Variants in BARX2 observed in about 807,000 individuals in gnomAD.
BARX2 encodes the protein homeobox protein BarH-like 2.
A neutral mutation model predicts 25.5 loss-of-function variants in BARX2; 11 were observed. The ratio of observed to expected loss-of-function variants is 0.43; its 90% confidence interval spans 0.27 to 0.71. The LOEUF (loss-of-function observed/expected upper bound fraction) is 0.71, where lower values mean the gene tolerates loss of function less well. BARX2 is among the 30% of genes least tolerant of loss of function. BARX2 has a pLI of 0.19. For synonymous variants in BARX2, 137 were observed against 149.5 expected (o/e 0.92, Z 0.61); for missense variants, 360 against 359.9 (o/e 1.00, Z 0.00).
In BARX2 at chr11:129,451,238, A is replaced by T. The variant is rs767346670; in HGVS notation, c.676A>T (p.Ser226Cys). The change falls in exon 4 of 4, where the codon AGC becomes TGC. Residue 226 changes from serine (S) to cysteine (C), a missense_variant. Physicochemically the swap from Ser to Cys is moderately radical, Grantham distance 112. Transcript: ENST00000281437. ...EEIEAEEKMN[S>C]QAQGQEQLEP... is the part of the protein sequence containing the mutation. ...GATTGAAGCTGAAGAGAAGATGAACAGCCAGGCCCAGGGTCAGGAGCAGCT... is the reference window on the plus strand; with the variant it reads ...GATTGAAGCTGAAGAGAAGATGAACTGCCAGGCCCAGGGTCAGGAGCAGCT... The T allele has an allele frequency of 4.3e-6, 7 of 1,614,196 alleles. No homozygotes were observed. In the Admixed American group the frequency reaches 1.0e-4, roughly 23 times the overall value.
chr11:129,377,440 G>C (rs183001247), intron 1 of BARX2, among the ~76,000 whole-genome samples: 50 of 152,344 alleles, frequency 3.3e-4, no homozygotes, highest in Non-Finnish European at 6.5e-4. Context: ...ACTGTATTCA[G>C]TTATGCCTTT....
intron 1 of BARX2, among the ~76,000 whole-genome samples, chr11:129,384,382 G>A (rs900691257): frequency 6.6e-6 from 1 of 152,076 alleles, no homozygotes; most frequent in Non-Finnish European, 1.5e-5. Flanking sequence ...CTATATTTCT[G>A]TCCTGGGAAG....
chr11:129,428,613 G>A (rs561579736), intron 1 of BARX2, among the ~76,000 whole-genome samples: 50 of 152,170 alleles, frequency 3.3e-4, no homozygotes, highest in Non-Finnish European at 6.0e-4. Flanking sequence ...GCTGGCTCAA[G>A]TATATTTTGT....
chr11:129,393,339 T>C (rs1392945387), intron 1 of BARX2, among the ~76,000 whole-genome samples: 2 of 152,218 alleles, frequency 1.3e-5, no homozygotes, highest in Non-Finnish European at 2.9e-5. Context: ...CAAGAATTTC[T>C]TATTTTGAAA....
intron 2 of BARX2, chr11:129,438,387 G>C (rs1862218376): frequency 6.6e-6 from 1 of 151,612 alleles, no homozygotes; most frequent in South Asian, 2.1e-4. Flanking sequence ...GACTGACTCT[G>C]GAGATGGCTG....
At chr11:129,447,414 C>G (rs1253868026) in intron 3 of BARX2, among the ~76,000 whole-genome samples, 1 of 152,132 alleles carries the variant, frequency 6.6e-6, no homozygotes, top group African/African-American at 2.4e-5. Context: ...AAGGAGCTCT[C>G]TGGCTTCTCT....
chr11:129,434,555 T>C, intron 1 of BARX2, among the ~76,000 whole-genome samples: 1 of 151,686 alleles, frequency 6.6e-6, no homozygotes, highest in East Asian at 1.9e-4. Context: ...CTGAACTAGA[T>C]AGTACTTTTT....
chr11:129,431,079 C>T (rs1862123618), intron 1 of BARX2, among the ~76,000 whole-genome samples: 2 of 151,570 alleles, frequency 1.3e-5, no homozygotes, highest in African/African-American at 2.4e-5. Context: ...CCAGGCTGGT[C>T]TCAAAGTCCT....
In BARX2 at chr11:129,409,359, T is replaced by G. The variant is rs117861239; in HGVS notation, c.188-27392T>G. ...TTTAGTGAATTCTTCAGTGTGTTTT[T>G]TTTAAGGGCTCAAGCACAATTTTTA... On this transcript the variant is annotated intron_variant, in intron 1 of 3. Transcript: ENST00000281437. Among the ~76,000 whole-genome samples, 863 of 152,322 alleles carry G rather than the reference T, an allele frequency of 5.7e-3. 5 individuals carry two copies. Among genetic ancestry groups the G allele is most frequent in the Non-Finnish European group, 8.3e-3 (564 of 68,034 alleles).
intron 1 of BARX2, among the ~76,000 whole-genome samples, chr11:129,410,423 T>G (rs1861874368): frequency 6.6e-6 from 1 of 152,260 alleles, no homozygotes. Context: ...GAATTCCCTC[T>G]GATTATGCCA....
chr11:129,396,386 A>G (rs985768987), intron 1 of BARX2, among the ~76,000 whole-genome samples: 1 of 143,346 alleles, frequency 7.0e-6, no homozygotes, highest in Non-Finnish European at 1.5e-5. Flanking sequence ...ACTCCTCCCC[A>G]CTCACCTTTT....
At position 129,436,786 on chromosome 11, in the gene BARX2, G is replaced by T; in HGVS notation, c.223G>T (p.Val75Leu). ...CCTGCGGGCATATCCGCTCCTCTCGGTGATCACCCGCCAGCCCACTGTCAT... is the reference window on the plus strand; with the variant it reads ...CCTGCGGGCATATCCGCTCCTCTCGTTGATCACCCGCCAGCCCACTGTCAT... The part of the protein sequence containing the change: ...PSLRAYPLLS[V>L]ITRQPTVISH... Residue 75 changes from valine to leucine, a missense_variant, in exon 2 of 4, where the codon GTG becomes TTG. Around this residue, in one of 3 missense-constraint regions of BARX2, gnomAD observed 240 missense variants for 228.7 expected, o/e 1.05. Transcript: ENST00000281437. This position sits in a 1 kb window ranked among gnomAD's most constrained non-coding sequence, Gnocchi z 4.5. 1 of 1,607,980 alleles carries T rather than the reference G, an allele frequency of 6.2e-7. No individual in the cohort carries two copies. The highest frequency in any genetic ancestry group is 8.5e-7 in the Non-Finnish European group (1 of 1,176,512).
At position 129,407,966 on chromosome 11, in the gene BARX2, C is replaced by G. The variant is rs555015025; in HGVS notation, c.188-28785C>G. 1.8e-3 allele frequency among the ~76,000 whole-genome samples: 249 copies of G among 138,496 alleles called. 1 individual carries two copies. The highest frequency in any genetic ancestry group is 4.2e-3 in the Admixed American group (51 of 12,048). The allele number at this position is 138,496 out of a possible 152,430, so 90.9% of individuals were successfully genotyped here. On this transcript the variant is annotated intron_variant, in intron 1 of 3. Transcript: ENST00000281437. ...CCTGTAATCCCAGCACTTTGGGAGGCCAAGGCGGGCCGATCATGAGGTAAG... is the reference window on the plus strand; with the variant it reads ...CCTGTAATCCCAGCACTTTGGGAGGGCAAGGCGGGCCGATCATGAGGTAAG...
At position 129,390,975 on chromosome 11, in the gene BARX2, A is replaced by G. The variant is rs1861660240; in HGVS notation, c.187+14753A>G. Among the ~76,000 whole-genome samples the G allele has an allele frequency of 2.0e-5, 3 of 152,348 alleles. No individual in the cohort carries two copies. The highest frequency in any genetic ancestry group is 1.9e-4 in the East Asian group (1 of 5,184). ...AACTCCTGTCAAAAACCTTTCCTCC[A>G]GAGCCTCCACTGCCTCATTCTGTGA... On this transcript the variant is annotated intron_variant, in intron 1 of 3. Coordinates refer to ENST00000281437, the MANE Select transcript of BARX2 (RefSeq NM_003658.5). This position sits in a 1 kb window ranked among gnomAD's most constrained non-coding sequence, Gnocchi z 4.3.
chr11:129,444,370 G>GAAATGAAAGGGTTTTCAA (rs1862299653), intron 3 of BARX2, among the ~76,000 whole-genome samples: 2 of 152,200 alleles, frequency 1.3e-5, no homozygotes, highest in Admixed American at 6.5e-5. Flanking sequence ...ACCTGACCCT[G>GAAATGAAAGGGTTTTCAA]AAATGAAAGG....
intron 1 of BARX2, among the ~76,000 whole-genome samples, chr11:129,428,255 G>A (rs1219851788): frequency 6.6e-6 from 1 of 152,186 alleles, no homozygotes; most frequent in Non-Finnish European, 1.5e-5. Flanking sequence ...TTTCACAAGT[G>A]TATGTAAATG....
intron 2 of BARX2, among the ~76,000 whole-genome samples, chr11:129,442,460 G>A (rs1010946348): frequency 3.3e-5 from 5 of 152,298 alleles, no homozygotes; most frequent in Admixed American, 6.5e-5. Flanking sequence ...AGCAACATCT[G>A]GCTTTGCCTT....
chr11:129,380,997 G>A (rs188786788), intron 1 of BARX2, among the ~76,000 whole-genome samples: 115 of 152,136 alleles, frequency 7.6e-4, no homozygotes, highest in African/African-American at 2.7e-3. Flanking sequence ...GGCTGGTCTC[G>A]AACTCCTAAT....
intron 2 of BARX2, among the ~76,000 whole-genome samples, chr11:129,442,373 G>A (rs1352232258): frequency 3.3e-5 from 5 of 152,296 alleles, no homozygotes; most frequent in East Asian, 1.9e-4. Flanking sequence ...CAGAGGAGAC[G>A]AGCTGTGGGA....
Sources: gnomAD v4.1 joint callset for allele counts (sites outside exome capture counted in the v4.1 genomes callset) on GRCh38, gnomAD v4.1.1 for gene constraint, gnomAD v4.1.1 regional missense constraint, Gnocchi (gnomAD v3.1) non-coding constraint, MANE v1.5 for transcripts, NCBI Gene and HGNC (gene_info 2026-07-23, HGNC 2026-07-21) for gene names.